The following RALGAPA1 variants were observed in gnomAD, a reference collection of about 807,000 sequenced individuals.
RALGAPA1 encodes Ral GTPase activating protein catalytic subunit alpha 1.
RALGAPA1 carries 52 observed loss-of-function variants against 269.6 expected under a neutral mutation model. That is an observed-to-expected ratio of 0.19 (90% CI 0.15 to 0.24). RALGAPA1 has a LOEUF of 0.24. RALGAPA1 is among the 10% of genes least tolerant of loss of function. The pLI is 1.00. For missense variants in RALGAPA1, 1,917 were observed against 3,013.9 expected, an observed-to-expected ratio of 0.64 and a Z score of 8.52; for synonymous variants, 817 against 1,008.3, an observed-to-expected ratio of 0.81 and a Z score of 3.60.
intron 17 of RALGAPA1, among the ~76,000 whole-genome samples, chr14:35,696,669 A>C (rs936071595): frequency 6.6e-6 from 1 of 152,134 alleles, no homozygotes; most frequent in African/African-American, 2.4e-5. Flanking sequence ...GTATCAGATA[A>C]ATATTTTTCT....
rs202000788 is a variant in RALGAPA1 at position 35,709,121 on chromosome 14, C to CA, written c.2267-8820dup. On this transcript the variant is annotated intron_variant, in intron 16 of 41. Transcript: ENST00000680220. The stretch of plus-strand genomic sequence containing the variant: ...GGTAAGTGCAGATGGTTAATGGGTA[C>CA]AAAAAAAAATTAGAATGAATAAGAC... 2.0e-3 allele frequency among the ~76,000 whole-genome samples: 296 copies of CA among 149,476 alleles called. 1 individual carries two copies. The highest frequency in any genetic ancestry group is 6.8e-3 in the African/African-American group (277 of 40,796).
chr14:35,702,483 C>G (rs935820544), intron 16 of RALGAPA1, among the ~76,000 whole-genome samples: 6 of 152,062 alleles, frequency 3.9e-5, no homozygotes, highest in Admixed American at 6.6e-5. Flanking sequence ...TTAAAAACAA[C>G]CCATATACAA....
intron 31 of RALGAPA1, among the ~76,000 whole-genome samples, chr14:35,651,029 C>T (rs1338690306): frequency 6.6e-6 from 1 of 152,044 alleles, no homozygotes; most frequent in Non-Finnish European, 1.5e-5. Context: ...GTGAGCAGCA[C>T]CGACCTAGAG....
At chr14:35,781,464 G>C (rs1357843504) in intron 1 of RALGAPA1, among the ~76,000 whole-genome samples, 1 of 152,122 alleles carries the variant, frequency 6.6e-6, no homozygotes, top group South Asian at 2.1e-4. Context: ...CTCATTCTAT[G>C]AGGCCAATAT....
intron 35 of RALGAPA1, among the ~76,000 whole-genome samples, chr14:35,618,179 C>T (rs4982296): frequency 0.34 from 52,362 of 151,902 alleles, 12,490 homozygotes; most frequent in African/African-American, 0.67. Flanking sequence ...ATAACAGGAA[C>T]AGGACAAAAA....
intron 1 of RALGAPA1, among the ~76,000 whole-genome samples, chr14:35,787,694 G>A (rs565941442): frequency 6.7e-6 from 1 of 149,158 alleles, no homozygotes; most frequent in African/African-American, 2.5e-5. Context: ...TCTCACCTCA[G>A]TCACCCAAGT....
intron 41 of RALGAPA1, chr14:35,541,859 AAGATAGATAAC>A: frequency 4.3e-6 from 2 of 463,614 alleles, no homozygotes; most frequent in South Asian, 3.1e-5. Context: ...AGCAAAAGAG[AAGATAGATAAC>A]AGATATGAGA....
At chr14:35,596,369 T>C (rs768631963) in intron 36 of RALGAPA1, among the ~76,000 whole-genome samples, 139 of 152,186 alleles carry the variant, frequency 9.1e-4, no homozygotes, top group African/African-American at 3.1e-3. Context: ...GGTTGTTGCA[T>C]TGGATGATAT....
At chr14:35,641,182 C>G (rs1420009540) in intron 31 of RALGAPA1, among the ~76,000 whole-genome samples, 1 of 152,078 alleles carries the variant, frequency 6.6e-6, no homozygotes, top group African/African-American at 2.4e-5. Context: ...AGATCTAGAA[C>G]AAGACAAAGG....
chr14:35,704,221 C>A (rs569218972), intron 16 of RALGAPA1, among the ~76,000 whole-genome samples: 7 of 152,204 alleles, frequency 4.6e-5, no homozygotes, highest in African/African-American at 1.7e-4. Context: ...AAGTTGAACA[C>A]CAGGTCCTAA....
intron 13 of RALGAPA1, among the ~76,000 whole-genome samples, chr14:35,725,690 G>A (rs1272353618): frequency 6.6e-6 from 1 of 150,932 alleles, no homozygotes; most frequent in Non-Finnish European, 1.5e-5. Flanking sequence ...AACACAGCAA[G>A]CCTTGTCTCT....
intron 10 of RALGAPA1, 23 bp from the exon 11 acceptor site, chr14:35,742,588 A>T (rs1264654744): frequency 6.6e-7 from 1 of 1,523,302 alleles, no homozygotes; most frequent in Non-Finnish European, 9.1e-7. Flanking sequence ...AGGAGAATCA[A>T]GATAATGATA....
At chr14:35,655,369 T>A (rs1027585137) in intron 29 of RALGAPA1, among the ~76,000 whole-genome samples, 2 of 151,962 alleles carry the variant, frequency 1.3e-5, no homozygotes, top group Non-Finnish European at 1.5e-5. Context: ...TTATTACTAC[T>A]GAAAAAATCT....
chr14:35,765,850 G>A, intron 4 of RALGAPA1: 1 of 699,080 alleles, frequency 1.4e-6, no homozygotes, highest in South Asian at 1.7e-5. Flanking sequence ...TGCTATAGTA[G>A]TTCCGAAATT....
At chr14:35,564,306 C>T (rs1244959276) in intron 39 of RALGAPA1, 3 of 152,170 alleles carry the variant, frequency 2.0e-5, no homozygotes, top group Admixed American at 2.0e-4. Flanking sequence ...CATAAAATTA[C>T]ATAGTTTCTC....
At chr14:35,638,979 T>C (rs146721946) in intron 31 of RALGAPA1, among the ~76,000 whole-genome samples, 1 of 150,560 alleles carries the variant, frequency 6.6e-6, no homozygotes, top group African/African-American at 2.4e-5. Flanking sequence ...TGAATGTAAA[T>C]AGACTAAACT....
chr14:35,564,637 G>T (rs908667991), intron 39 of RALGAPA1: 1 of 152,096 alleles, frequency 6.6e-6, no homozygotes, highest in Admixed American at 6.5e-5. Context: ...GAAATCAAAC[G>T]ATACTAGTTG....
intron 39 of RALGAPA1, among the ~76,000 whole-genome samples, chr14:35,560,056 CTT>C (rs2056049439): frequency 6.6e-6 from 1 of 152,076 alleles, no homozygotes; most frequent in African/African-American, 2.4e-5. Flanking sequence ...ATAAAAAAGA[CTT>C]TATGAAAATA....
At position 35,627,465 on chromosome 14, in the gene RALGAPA1, T is replaced by C. The variant is rs1328958703; in HGVS notation, c.6482A>G (p.Asp2161Gly). 5 of 1,613,630 alleles carry C rather than the reference T, an allele frequency of 3.1e-6. No homozygotes were observed. Among genetic ancestry groups the C allele is most frequent in the Admixed American group, 3.3e-5 (2 of 59,900 alleles). The change falls in exon 34 of 42, where the codon GAT becomes GGT. Residue 2161 changes from aspartate to glycine, a missense_variant. Transcript: ENST00000680220. ...NECLEDITVK[D>G]GLSLQFKRFR... ...TCTTTTAAACTGGAGAGAAAGTCCATCTTTTACGGTTATATCTTCTAAGCA... is the reference window on the plus strand; with the variant it reads ...TCTTTTAAACTGGAGAGAAAGTCCACCTTTTACGGTTATATCTTCTAAGCA...
Sources: allele counts gnomAD v4.1 joint callset (sites outside exome capture counted in the v4.1 genomes callset), GRCh38; gene constraint gnomAD v4.1.1; transcripts MANE v1.5; gene names NCBI Gene and HGNC (gene_info 2026-07-23, HGNC 2026-07-21).